The following PLCZ1 variants were observed in gnomAD, a reference collection of about 807,000 sequenced individuals.
The protein encoded by PLCZ1 is 1-phosphatidylinositol 4,5-bisphosphate phosphodiesterase zeta-1.
In PLCZ1, 64 loss-of-function variants were observed where a neutral mutation model predicts 76.8. The observed-to-expected ratio is 0.83, with a 90% confidence interval of 0.68 to 1.03. The LOEUF (loss-of-function observed/expected upper bound fraction) is 1.03, where lower values mean the gene tolerates loss of function less well. Among genes scored for constraint, PLCZ1 ranks in the 50% least tolerant of loss-of-function variants. The pLI is 0.00. For missense variants in PLCZ1, 751 were observed against 713.7 expected (o/e 1.05, Z -0.60); for synonymous variants, 248 against 230.8 (o/e 1.07, Z -0.68).
chr12:18,659,486 A>G, the PLCZ1 span, among the ~76,000 whole-genome samples: 4 of 152,102 alleles, frequency 2.6e-5, no homozygotes, highest in Admixed American at 1.3e-4. Flanking sequence ...TCTCCAAAAT[A>G]CCATGATCAA....
At position 18,684,184 on chromosome 12, in the gene PLCZ1, C is replaced by G. The variant is rs749207835; in HGVS notation, c.1687G>C (p.Ala563Pro). 6.2e-7 allele frequency: 1 copy of G among 1,612,226 alleles called. No individual in the cohort carries two copies. ...RFVVEGQGLI[A>P]GNEFLGQYTL... ...TATTGCCCAAGAAATTCATTTCCTGCTATTAAACCTTGACCTTCAACAACA... is the reference window on the plus strand; with the variant it reads ...TATTGCCCAAGAAATTCATTTCCTGGTATTAAACCTTGACCTTCAACAACA... The change falls in exon 14 of 15, where the codon GCA becomes CCA. Residue 563 changes from alanine to proline, a missense_variant. By Grantham distance (27) the Ala-to-Pro change is conservative (BLOSUM62 -1). Coordinates refer to ENST00000266505, the MANE Select transcript of PLCZ1 (RefSeq NM_033123.4).
intron 12 of PLCZ1, among the ~76,000 whole-genome samples, chr12:18,689,104 G>T (rs535349845): frequency 6.6e-6 from 1 of 152,160 alleles, no homozygotes; most frequent in Non-Finnish European, 1.5e-5. Flanking sequence ...TTAGCAATCA[G>T]CATGGAATGG....
At chr12:18,662,963 G>C in the PLCZ1 span, among the ~76,000 whole-genome samples, 1 of 152,008 alleles carries the variant, frequency 6.6e-6, no homozygotes, top group African/African-American at 2.4e-5. Flanking sequence ...AAGCTATAAG[G>C]CATGTAGAAA....
At chr12:18,655,277 A>AAT in the PLCZ1 span, among the ~76,000 whole-genome samples, 1 of 152,150 alleles carries the variant, frequency 6.6e-6, no homozygotes, top group Non-Finnish European at 1.5e-5. Context: ...GAAGGAAAAA[A>AAT]ATATTCCCAA....
chr12:18,722,867 T>A (rs540168381), intron 4 of PLCZ1, among the ~76,000 whole-genome samples: 1 of 152,050 alleles, frequency 6.6e-6, no homozygotes, highest in Non-Finnish European at 1.5e-5. Context: ...AATATTTTCT[T>A]CTTAGAATTT....
the PLCZ1 span, among the ~76,000 whole-genome samples, chr12:18,668,125 A>G: frequency 1.3e-5 from 2 of 152,184 alleles, no homozygotes; most frequent in African/African-American, 4.8e-5. Flanking sequence ...AACTTGTATT[A>G]TCTTAATCTC....
intron 6 of PLCZ1, among the ~76,000 whole-genome samples, chr12:18,710,776 T>A (rs1957204456): frequency 6.6e-6 from 1 of 151,950 alleles, no homozygotes; most frequent in African/African-American, 2.4e-5. Flanking sequence ...AAAAAACACA[T>A]GAAAAAATGC....
Position 18,723,165 on chromosome 12 carries a change from AT to A in PLCZ1, c.367+145del, listed in dbSNP as rs36110066. 7 of 672,908 alleles carry A rather than the reference AT, an allele frequency of 1.0e-5. No homozygotes were observed. The African/African-American group carries it at 1.3e-4, about 12-fold the overall frequency. 41.7% of individuals were successfully genotyped at this position (672,908 alleles called of 1,614,324 possible). On this transcript the variant is annotated intron_variant, in intron 4 of 14. Coordinates refer to ENST00000266505, the MANE Select transcript of PLCZ1 (RefSeq NM_033123.4). ...AAAAGGTATCAATTCTATAAAATAT[AT>A]TTTCTCAAAGATATTTGACCCATCC...
Position 18,695,033 on chromosome 12 carries a change from A to G in PLCZ1, c.1338T>C (p.Asn446=). 2 of 1,613,112 alleles carry G rather than the reference A, an allele frequency of 1.2e-6. No homozygotes were observed. The highest frequency in any genetic ancestry group is 8.5e-7 in the Non-Finnish European group (1 of 1,179,320). ...QTPGLPMDLQ[N]GKFLDNGGSG... ...AACCACCATTATCCAAAAATTTCCC[A>G]TTTTGCAGATCCATGGGCAGACCAG... is the stretch of plus-strand genomic sequence containing the variant. Residue 446 remains asparagine, a synonymous_variant, in exon 12 of 15, where the codon AAT becomes AAC. Transcript: ENST00000266505.
Position 18,723,432 on chromosome 12 carries a change from T to C in PLCZ1, c.246A>G (p.Glu82=). 1 of 1,613,094 alleles carries C rather than the reference T, an allele frequency of 6.2e-7. No homozygotes were observed. The highest frequency in any genetic ancestry group is 8.5e-7 in the Non-Finnish European group (1 of 1,179,468). Reference sequence around the variant, plus strand: ...TACTTGCTAAAAGAATTTTCCGGTTTTCAGAATATGTGTTGAAAATCTCAA... The same window carrying C: ...TACTTGCTAAAAGAATTTTCCGGTTCTCAGAATATGTGTTGAAAATCTCAA... The part of the protein sequence containing the change: ...EIIEIFNTYS[E]NRKILLASNL... Residue 82 remains glutamate, a synonymous_variant, in exon 4 of 15, where the codon GAA becomes GAG. Transcript: ENST00000266505.
chr12:18,682,781 T>C (rs939149712), downstream of PLCZ1, among the ~76,000 whole-genome samples: 1 of 151,930 alleles, frequency 6.6e-6, no homozygotes, highest in Non-Finnish European at 1.5e-5. Flanking sequence ...GGCTAATTAC[T>C]CTCCAGGATA....
intron 3 of PLCZ1, among the ~76,000 whole-genome samples, chr12:18,734,882 T>A (rs183432272): frequency 6.6e-6 from 1 of 152,242 alleles, no homozygotes; most frequent in Non-Finnish European, 1.5e-5. Flanking sequence ...TTATTTTATA[T>A]GATATTAGCT....
intron 6 of PLCZ1, among the ~76,000 whole-genome samples, chr12:18,707,070 C>T (rs975363610): frequency 5.3e-5 from 8 of 152,180 alleles, no homozygotes; most frequent in Admixed American, 6.5e-5. Context: ...TATCAAATCT[C>T]TCTCTACTTC....
chr12:18,667,667 G>T, the PLCZ1 span, among the ~76,000 whole-genome samples: 4 of 152,160 alleles, frequency 2.6e-5, no homozygotes, highest in Non-Finnish European at 5.9e-5. Flanking sequence ...ACAAGGCATT[G>T]TGCTACTGCT....
chr12:18,677,913 A>G, the PLCZ1 span, among the ~76,000 whole-genome samples: 1 of 152,006 alleles, frequency 6.6e-6, no homozygotes, highest in African/African-American at 2.4e-5. Context: ...ATCCATATTC[A>G]TGTGTGCTTG....
chr12:18,659,477 C>A, the PLCZ1 span, among the ~76,000 whole-genome samples: 27 of 152,232 alleles, frequency 1.8e-4, no homozygotes, highest in South Asian at 6.2e-4. Context: ...TCTCTCTCTT[C>A]TCCAAAATAC....
chr12:18,715,813 GTTT>G (rs1308019861), intron 5 of PLCZ1: 1 of 152,044 alleles, frequency 6.6e-6, no homozygotes, highest in Non-Finnish European at 1.5e-5. Flanking sequence ...ATCTGCTTTG[GTTT>G]TTGTTTGTTT....
At chr12:18,653,261 T>G in the PLCZ1 span, among the ~76,000 whole-genome samples, 6 of 152,156 alleles carry the variant, frequency 3.9e-5, no homozygotes, top group Non-Finnish European at 5.9e-5. Context: ...ATTAGTCACA[T>G]ATTACCCATG....
intron 3 of PLCZ1, among the ~76,000 whole-genome samples, chr12:18,729,570 AT>A (rs1221769246): frequency 2.6e-5 from 4 of 152,080 alleles, no homozygotes; most frequent in African/African-American, 9.6e-5. Flanking sequence ...GGCAAATCCA[AT>A]TTAAAAAATC....
Sources: allele counts gnomAD v4.1 joint callset (sites outside exome capture counted in the v4.1 genomes callset), GRCh38; gene constraint gnomAD v4.1.1; transcripts MANE v1.5; gene names NCBI Gene and HGNC (gene_info 2026-07-23, HGNC 2026-07-21).